DLG5: variants seen among roughly 807,000 people sequenced by gnomAD.
DLG5 encodes disks large homolog 5.
In DLG5, 48 loss-of-function variants were observed where a neutral mutation model predicts 189.8. The observed-to-expected ratio is 0.25, with a 90% confidence interval of 0.20 to 0.32. The LOEUF is 0.32. DLG5 is among the 10% of genes least tolerant of loss of function. The pLI, the probability that DLG5 is intolerant of heterozygous loss-of-function variation, is 1.00. For synonymous variants in DLG5, 1,016 were observed against 1,054.1 expected, an observed-to-expected ratio of 0.96 and a Z score of 0.70; for missense variants, 2,160 against 2,544.7, an observed-to-expected ratio of 0.85 and a Z score of 3.25.
chr10:77,832,177 T>C (rs1330763999), intron 9 of DLG5, among the ~76,000 whole-genome samples: 1 of 152,148 alleles, frequency 6.6e-6, no homozygotes, highest in African/African-American at 2.4e-5. Flanking sequence ...CACTGCACTC[T>C]AGCCTGGGCA....
intron 2 of DLG5, among the ~76,000 whole-genome samples, chr10:77,857,760 A>G (rs1215160432): frequency 6.6e-6 from 1 of 152,178 alleles, no homozygotes; most frequent in Non-Finnish European, 1.5e-5. Context: ...AACCCTGTCA[A>G]TATGTCTACC....
Position 77,843,688 on chromosome 10 carries a change from A to T in DLG5, c.883T>A (p.Ser295Thr). Residue 295 changes from serine (S) to threonine (T), a missense_variant, in exon 6 of 32, where the codon TCA becomes ACA. Transcript: ENST00000372391. Reference sequence around the variant, plus strand: ...TACAGTTTGTTGAGAATCTCGGATGACCCGTTGTGCTTCAACACCTGGAGA... The same window carrying T: ...TACAGTTTGTTGAGAATCTCGGATGTCCCGTTGTGCTTCAACACCTGGAGA... The part of the protein sequence containing the change: ...QQQQVLKHNG[S>T]SEILNKLYDT... 6.2e-7 allele frequency: 1 copy of T among 1,613,708 alleles called. No individual in the cohort carries two copies. Among genetic ancestry groups the T allele is most frequent in the Non-Finnish European group, 8.5e-7 (1 of 1,179,954 alleles).
At chr10:77,840,266 T>A (rs1485827897) in intron 7 of DLG5, among the ~76,000 whole-genome samples, 2 of 151,736 alleles carry the variant, frequency 1.3e-5, no homozygotes, top group African/African-American at 4.8e-5. Context: ...TAGTCCCAGC[T>A]ACTTGGGGGG....
At position 77,807,901 on chromosome 10, in the gene DLG5, T is replaced by C. The variant is rs1264953197; in HGVS notation, c.4691A>G (p.Tyr1564Cys). Residue 1564 changes from tyrosine to cysteine, a missense_variant, in exon 25 of 32, where the codon TAT becomes TGT. Tyr to Cys is a radical substitution (Grantham distance 194). Around this residue, in one of 5 missense-constraint regions of DLG5, gnomAD observed 574 missense variants for 644.2 expected, o/e 0.89. Coordinates refer to ENST00000372391, the MANE Select transcript of DLG5 (RefSeq NM_004747.4). Reference protein sequence around the residue: ...DVRNKTVEEVYVEMLKPRDGV... With the variant: ...DVRNKTVEEVCVEMLKPRDGV... The stretch of plus-strand genomic sequence containing the variant: ...ATCCCTGGGCTTCAGCATCTCCACA[T>C]AGACTTCCTCCACTGTCTTGTTCCG... 6.2e-7 allele frequency: 1 copy of C among 1,614,224 alleles called. No individual in the cohort carries two copies. Among genetic ancestry groups the C allele is most frequent in the East Asian group, 2.2e-5 (1 of 44,878 alleles).
At chr10:77,841,433 C>T (rs1039916475) in intron 7 of DLG5, among the ~76,000 whole-genome samples, 6 of 152,186 alleles carry the variant, frequency 3.9e-5, no homozygotes, top group African/African-American at 1.4e-4. Flanking sequence ...AGAGCAGACT[C>T]GTGAGATGCA....
At chr10:77,795,379 G>A (rs1840858470) in intron 29 of DLG5, among the ~76,000 whole-genome samples, 1 of 152,116 alleles carries the variant, frequency 6.6e-6, no homozygotes, top group African/African-American at 2.4e-5. Context: ...GCATCCAGGT[G>A]GAGTGCAGGC....
At chr10:77,920,524 T>C (rs889607357) in intron 1 of DLG5, among the ~76,000 whole-genome samples, 2 of 152,170 alleles carry the variant, frequency 1.3e-5, no homozygotes, top group East Asian at 1.9e-4. Flanking sequence ...AAAACCCACA[T>C]AGTGTTGGAA....
In DLG5 at chr10:77,860,783, A is replaced by T. The variant is rs948073730; in HGVS notation, c.374-3891T>A. On this transcript the variant is annotated intron_variant, in intron 2 of 31. Coordinates refer to ENST00000372391, the MANE Select transcript of DLG5 (RefSeq NM_004747.4). The stretch of plus-strand genomic sequence containing the variant: ...GACCTCTAAATGATCCTAGAACCCA[A>T]GGTATTAACCTCAAAACTTGCACAT... Among the ~76,000 whole-genome samples the T allele has an allele frequency of 2.6e-5, 4 of 152,226 alleles. No homozygotes were observed. In the South Asian group the frequency reaches 8.3e-4, roughly 32 times the overall value.
intron 1 of DLG5, among the ~76,000 whole-genome samples, chr10:77,893,131 G>C (rs972541336): frequency 6.6e-6 from 1 of 152,116 alleles, no homozygotes; most frequent in African/African-American, 2.4e-5. Flanking sequence ...CTTGATTGCA[G>C]GACAAATAAA....
At chr10:77,810,995 A>G (rs1841738352) in intron 23 of DLG5, 99 bp downstream of exon 23, 2 of 1,461,208 alleles carry the variant, frequency 1.4e-6, no homozygotes, top group Non-Finnish European at 1.8e-6. Context: ...CCTGCAGCAC[A>G]TGAGGCCAGC....
rs1846191040 is a variant in DLG5 at position 77,910,651 on chromosome 10, CCATGG to C, written c.304+15561_304+15565del. Among the ~76,000 whole-genome samples, 4 of 152,266 alleles carry C rather than the reference CCATGG, an allele frequency of 2.6e-5. No homozygotes were observed. The South Asian group carries it at 8.3e-4, about 32-fold the overall frequency. ...AAGTGGTTTCTAAGATCCCTTCCAG[CCATGG>C]CATTCAACAATCATAGGCTCCTTAA... On this transcript the variant is annotated intron_variant, in intron 1 of 31. Coordinates refer to ENST00000372391, the MANE Select transcript of DLG5 (RefSeq NM_004747.4).
chr10:77,901,780 G>A (rs1036714431), intron 1 of DLG5, among the ~76,000 whole-genome samples: 4 of 152,148 alleles, frequency 2.6e-5, no homozygotes, highest in Non-Finnish European at 5.9e-5. Context: ...CGGCTCCAAC[G>A]GTGGAGCAGC....
chr10:77,842,172 C>T lies in DLG5; in HGVS notation c.1146G>A (p.Glu382=). ...SLRRFEAIHH[E]LNKATAQNKD... ...TGTTCTGCGCCGTGGCCTTGTTCAGCTCATGGTGGATCGCCTCAAACCTGG... is the reference window on the plus strand; with the variant it reads ...TGTTCTGCGCCGTGGCCTTGTTCAGTTCATGGTGGATCGCCTCAAACCTGG... The change falls in exon 7 of 32, where the codon GAG becomes GAA. Residue 382 remains glutamate, a synonymous_variant. Transcript: ENST00000372391. The T allele has an allele frequency of 6.2e-7, 1 of 1,604,702 alleles. No homozygotes were observed.
intron 15 of DLG5, chr10:77,820,380 C>T (rs983575849): frequency 1.0e-4 from 19 of 182,390 alleles, no homozygotes; most frequent in Admixed American, 6.8e-4. Flanking sequence ...AACAGTGGAA[C>T]GCTTGAGCAG....
intron 27 of DLG5, among the ~76,000 whole-genome samples, chr10:77,800,023 T>C (rs1841120130): frequency 6.6e-6 from 1 of 152,104 alleles, no homozygotes; most frequent in Admixed American, 6.5e-5. Flanking sequence ...CATAAAGACA[T>C]GCAGTGTCCT....
intron 16 of DLG5, chr10:77,819,680 C>A: frequency 9.6e-7 from 1 of 1,045,030 alleles, no homozygotes; most frequent in Admixed American, 2.8e-5. Context: ...TTCCTATTTC[C>A]CAGGTTGCTA....
At chr10:77,935,770 C>A in the DLG5 span, among the ~76,000 whole-genome samples, 1 of 152,278 alleles carries the variant, frequency 6.6e-6, no homozygotes, top group East Asian at 1.9e-4. Flanking sequence ...GTGCAAACTG[C>A]ACACGTGTGA....
chr10:77,827,294 C>T (rs899514075), intron 13 of DLG5, among the ~76,000 whole-genome samples: 5 of 152,132 alleles, frequency 3.3e-5, no homozygotes, highest in Non-Finnish European at 5.9e-5. Flanking sequence ...GGCGCGATCT[C>T]GGCTCACTGC....
Position 77,796,576 on chromosome 10 carries a change from T to C in DLG5, c.5183A>G (p.Tyr1728Cys). 2.5e-6 allele frequency: 4 copies of C among 1,614,018 alleles called. No individual in the cohort carries two copies. The highest frequency in any genetic ancestry group is 3.4e-6 in the Non-Finnish European group (4 of 1,179,968). The change falls in exon 28 of 32, where the codon TAT becomes TGT. Residue 1728 changes from tyrosine (Y) to cysteine (C), a missense_variant. By Grantham distance (194) the Tyr-to-Cys change is radical (BLOSUM62 -2). Transcript: ENST00000372391. This position sits in a 1 kb window ranked among gnomAD's most constrained non-coding sequence, Gnocchi z 5.2. ...PLFEDSVSLA[Y>C]QRVQKVDCTA... is the part of the protein sequence containing the mutation. ...GCAGTCCACCTTCTGGACCCGCTGATAGGCCAGGCTCACCGAATCTGAGGG... is the reference window on the plus strand; with the variant it reads ...GCAGTCCACCTTCTGGACCCGCTGACAGGCCAGGCTCACCGAATCTGAGGG...
Sources: gnomAD v4.1 joint callset for allele counts (sites outside exome capture counted in the v4.1 genomes callset) on GRCh38, gnomAD v4.1.1 for gene constraint, gnomAD v4.1.1 regional missense constraint, Gnocchi (gnomAD v3.1) non-coding constraint, MANE v1.5 for transcripts, NCBI Gene and HGNC (gene_info 2026-07-23, HGNC 2026-07-21) for gene names.